ASB13: variants seen among roughly 807,000 people sequenced by gnomAD.
The protein encoded by ASB13 is ankyrin repeat and SOCS box protein 13.
In ASB13, 33 loss-of-function variants were observed where a neutral mutation model predicts 28.8. The ratio of observed to expected loss-of-function variants is 1.15; its 90% confidence interval spans 0.87 to 1.53. The LOEUF is 1.53. Ranked by LOEUF, ASB13 falls within the 40% of genes most tolerant of loss-of-function variation. ASB13 has a pLI of 0.00. For missense variants in ASB13, 414 were observed against 390.1 expected, an observed-to-expected ratio of 1.06 and a Z score of -0.52; for synonymous variants, 182 against 172.9, an observed-to-expected ratio of 1.05 and a Z score of -0.41.
rs1304170822 is a variant in ASB13, at chr10:5,663,861, T to C, written c.43+2648A>G. ...ACCCTTTAGAAATGCCCTGGACTGC[T>C]ACCCTAGTGGATTCTCCCTCTCCCC... On this transcript the variant is annotated intron_variant, in intron 1 of 5. Coordinates refer to ENST00000357700, the MANE Select transcript of ASB13 (RefSeq NM_024701.4). This position sits in a 1 kb window ranked among gnomAD's most constrained non-coding sequence, Gnocchi z 4.9. Among the ~76,000 whole-genome samples the C allele has an allele frequency of 6.6e-6, 1 of 152,150 alleles. No homozygotes were observed. Among genetic ancestry groups the C allele is most frequent in the African/African-American group, 2.4e-5 (1 of 41,432 alleles).
intron 5 of ASB13, 144 bp from the exon 6 acceptor site, chr10:5,640,974 A>G: frequency 2.7e-6 from 3 of 1,094,562 alleles, no homozygotes; most frequent in Non-Finnish European, 3.8e-6. Context: ...CTCTGGAAGG[A>G]CAGCCAGGAA....
In ASB13 at chr10:5,641,997, A is replaced by G. The variant is rs1407758092; in HGVS notation, c.518-36T>C. 1 of 1,581,162 alleles carries G rather than the reference A, an allele frequency of 6.3e-7. No homozygotes were observed. The highest frequency in any genetic ancestry group is 1.1e-5 in the South Asian group (1 of 89,306). ...AGAGTGCAGAAGAGATTTCACCAAG[A>G]AGAGAACTTGAAGTCAGGGGGACAA... On this transcript the variant is annotated intron_variant, in intron 4 of 5. Coordinates refer to ENST00000357700, the MANE Select transcript of ASB13 (RefSeq NM_024701.4). The surrounding 1 kb of genome is among the most constrained non-coding windows in gnomAD (Gnocchi z 8.4).
At chr10:5,666,405 G>T in intron 1 of ASB13, 104 bp downstream of exon 1, 1 of 1,048,814 alleles carries the variant, frequency 9.5e-7, no homozygotes. Context: ...CGGAGCCAGC[G>T]CGGGGCGCGC....
In ASB13 at chr10:5,642,857, T is replaced by C. The variant is rs118176526; in HGVS notation, c.518-896A>G. On this transcript the variant is annotated intron_variant, in intron 4 of 5. Transcript: ENST00000357700. This position sits in a 1 kb window ranked among gnomAD's most constrained non-coding sequence, Gnocchi z 4.1. ...ACGGGGTTTTGCCGTGTTGGCCAGG[T>C]TGGTCTCGAACTCCTGGCTACGGGC... 0.011 allele frequency among the ~76,000 whole-genome samples: 1,645 copies of C among 152,192 alleles called. 38 individuals carry two copies. Among genetic ancestry groups the C allele is most frequent in the South Asian group, 0.084 (403 of 4,818 alleles).
chr10:5,640,749 T>C lies in ASB13; in HGVS notation c.791A>G (p.Lys264Arg), dbSNP rs376038559. ...AATGAGCCGGGGCGGGATGTTTAAC[T>C]TGGCAATCTTCTCCAGCCCTCGGAC... ...TGVRGLEKIA[K>R]LNIPPRLIDY... Residue 264 changes from lysine (K) to arginine (R), a missense_variant, in exon 6 of 6, where the codon AAG (lysine) becomes AGG (arginine). Physicochemically the swap from Lys to Arg is conservative, Grantham distance 26 (BLOSUM62 2). Coordinates refer to ENST00000357700, the MANE Select transcript of ASB13 (RefSeq NM_024701.4). The C allele has an allele frequency of 3.7e-6, 6 of 1,614,070 alleles. No homozygotes were observed. In the African/African-American group the frequency reaches 5.3e-5, roughly 14 times the overall value.
chr10:5,649,002 T>G lies in ASB13; in HGVS notation c.485A>C (p.His162Pro), dbSNP rs533801870. 1 of 1,614,178 alleles carries G rather than the reference T, an allele frequency of 6.2e-7. No individual in the cohort carries two copies. ...GAGCAGCACTTTGACACAGTCCAGA[T>G]GCTCCCGGGCACAGGCAACGTGCAG... ...TPLHVACARE[H>P]LDCVKVLLNA... is the part of the protein sequence containing the mutation. The change falls in exon 4 of 6, where the codon CAT becomes CCT. Residue 162 changes from histidine to proline, a missense_variant. Transcript: ENST00000357700. The surrounding 1 kb of genome is among the most constrained non-coding windows in gnomAD (Gnocchi z 6.4).
At chr10:5,648,498 C>T (rs1246079278) in intron 4 of ASB13, among the ~76,000 whole-genome samples, 1 of 150,940 alleles carries the variant, frequency 6.6e-6, no homozygotes, top group Admixed American at 6.6e-5. Flanking sequence ...GGGCAAACAC[C>T]CACTCGGGTA....
rs1365970604 is a variant in ASB13, at chr10:5,644,096, C to A, written c.518-2135G>T. Among the ~76,000 whole-genome samples, 2 of 152,182 alleles carry A rather than the reference C, an allele frequency of 1.3e-5. No homozygotes were observed. Among genetic ancestry groups the A allele is most frequent in the Admixed American group, 1.3e-4 (2 of 15,278 alleles). On this transcript the variant is annotated intron_variant, in intron 4 of 5. Transcript: ENST00000357700. This position sits in a 1 kb window ranked among gnomAD's most constrained non-coding sequence, Gnocchi z 5.1. ...TGAATAAGGGATTGAAGGGAAACAC[C>A]AGGCCAGGGGTGCAGGCAGCTACAT...
chr10:5,661,025 A>ATTTTTG lies in ASB13; in HGVS notation c.43+5478_43+5483dup, dbSNP rs1835150874. On this transcript the variant is annotated intron_variant, in intron 1 of 5. Transcript: ENST00000357700. The surrounding 1 kb of genome is among the most constrained non-coding windows in gnomAD (Gnocchi z 4.9). Reference sequence around the variant, plus strand: ...AGGGAAAGCAGCAAAGCAGACTTTTATTTTTGTTTCTTTTTCTTTATTTTC... The same window carrying ATTTTTG: ...AGGGAAAGCAGCAAAGCAGACTTTTATTTTTGTTTTTGTTTCTTTTTCTTTATTTTC... Among the ~76,000 whole-genome samples the ATTTTTG allele has an allele frequency of 1.3e-5, 2 of 152,084 alleles. No individual in the cohort carries two copies. Among genetic ancestry groups the ATTTTTG allele is most frequent in the African/African-American group, 4.8e-5 (2 of 41,400 alleles).
chr10:5,640,731 CG>C lies in ASB13; in HGVS notation c.808del (p.Arg270GlyfsTer29), dbSNP rs1564514606. The C allele has an allele frequency of 1.2e-6, 2 of 1,614,108 alleles. No individual in the cohort carries two copies. The highest frequency in any genetic ancestry group is 1.7e-6 in the Non-Finnish European group (2 of 1,180,018). On this transcript the variant is annotated frameshift_variant, in exon 6 of 6. Transcript: ENST00000357700. LOFTEE classifies it high-confidence loss of function. ...EKIAKLNIPP[R>X]LIDYLSYN is the part of the protein sequence containing the mutation. ...GTTGTAGGAGAGGTAATCAATGAGC[CG>C]GGGCGGGATGTTTAACTTGGCAATC...
chr10:5,662,303 G>A (rs1286985997), intron 1 of ASB13, among the ~76,000 whole-genome samples: 1 of 151,898 alleles, frequency 6.6e-6, no homozygotes, highest in African/African-American at 2.4e-5. Flanking sequence ...CGGATCACCT[G>A]AGGTCAAGAG....
chr10:5,651,607 C>A lies in ASB13; in HGVS notation c.232-244G>T. On this transcript the variant is annotated intron_variant, in intron 2 of 5. Transcript: ENST00000357700. This position sits in a 1 kb window ranked among gnomAD's most constrained non-coding sequence, Gnocchi z 5.1. ...CTCAGGGCAGGATAAGCTCAGCAGC[C>A]CCCTCGCCACCCCCGCCCCAAACAC... 1 of 460,288 alleles carries A rather than the reference C, an allele frequency of 2.2e-6. No homozygotes were observed. Among genetic ancestry groups the A allele is most frequent in the African/African-American group, 2.0e-5 (1 of 49,624 alleles). The allele number at this position is 460,288 out of a possible 1,614,324, so 28.5% of individuals were successfully genotyped here.
chr10:5,642,015 G>A lies in ASB13; in HGVS notation c.518-54C>T. Reference sequence around the variant, plus strand: ...CACCAAGAAGAGAACTTGAAGTCAGGGGGACAATCAGGTCCGTTTCGTCAC... The same window carrying A: ...CACCAAGAAGAGAACTTGAAGTCAGAGGGACAATCAGGTCCGTTTCGTCAC... On this transcript the variant is annotated intron_variant, in intron 4 of 5. Transcript: ENST00000357700. This position sits in a 1 kb window ranked among gnomAD's most constrained non-coding sequence, Gnocchi z 4.1. 1 of 1,558,052 alleles carries A rather than the reference G, an allele frequency of 6.4e-7. No individual in the cohort carries two copies. Among genetic ancestry groups the A allele is most frequent in the Non-Finnish European group, 8.8e-7 (1 of 1,138,796 alleles).
chr10:5,647,715 C>G (rs559255137), intron 4 of ASB13, among the ~76,000 whole-genome samples: 1 of 152,326 alleles, frequency 6.6e-6, no homozygotes, highest in East Asian at 1.9e-4. Flanking sequence ...TCCCAGCAAC[C>G]TGCAGCATAG....
intron 1 of ASB13, among the ~76,000 whole-genome samples, chr10:5,657,765 G>A (rs1182259172): frequency 6.6e-6 from 1 of 152,170 alleles, no homozygotes; most frequent in Admixed American, 6.5e-5. Context: ...CAAGTGTCCA[G>A]TGGAATATTA....
In ASB13 at chr10:5,656,262, G is replaced by C. The variant is rs980714226; in HGVS notation, c.44-3212C>G. On this transcript the variant is annotated intron_variant, in intron 1 of 5. Coordinates refer to ENST00000357700, the MANE Select transcript of ASB13 (RefSeq NM_024701.4). The surrounding 1 kb of genome is among the most constrained non-coding windows in gnomAD (Gnocchi z 4.3). ...CTAAAACCAATTATAAAGTCTGACT[G>C]GTCAAGGTGGTTCAAGCCTGTAATC... 6.6e-6 allele frequency among the ~76,000 whole-genome samples: 1 copy of C among 152,226 alleles called. No individual in the cohort carries two copies. The highest frequency in any genetic ancestry group is 1.5e-5 in the Non-Finnish European group (1 of 68,030).
At chr10:5,662,393 C>A (rs903472641) in intron 1 of ASB13, among the ~76,000 whole-genome samples, 6 of 151,658 alleles carry the variant, frequency 4.0e-5, no homozygotes, top group Middle Eastern at 3.4e-3. Context: ...GTGGCATGCA[C>A]CTGTAATCCC....
chr10:5,648,163 T>C (rs61832714), intron 4 of ASB13, among the ~76,000 whole-genome samples: 147,059 of 148,968 alleles, frequency 0.99, 72,586 homozygotes, highest in Non-Finnish European at 1. Flanking sequence ...GGGTAAACAC[T>C]CACGGGGGTA....
chr10:5,652,816 C>T lies in ASB13; in HGVS notation c.231+47G>A. 2 of 1,468,836 alleles carry T rather than the reference C, an allele frequency of 1.4e-6. No individual in the cohort carries two copies. The highest frequency in any genetic ancestry group is 9.0e-7 in the Non-Finnish European group (1 of 1,107,096). The allele number at this position is 1,468,836 out of a possible 1,614,324, so 91.0% of individuals were successfully genotyped here. ...TTCTCCTGAGTCAACCTCCTCCATTCTGGCAGCTGCAGCCAGTCTGGGGGT... is the reference window on the plus strand; with the variant it reads ...TTCTCCTGAGTCAACCTCCTCCATTTTGGCAGCTGCAGCCAGTCTGGGGGT... On this transcript the variant is annotated intron_variant, in intron 2 of 5. Transcript: ENST00000357700. The surrounding 1 kb of genome is among the most constrained non-coding windows in gnomAD (Gnocchi z 5.0).
Sources: gnomAD v4.1 joint callset for allele counts (sites outside exome capture counted in the v4.1 genomes callset) on GRCh38, gnomAD v4.1.1 for gene constraint, Gnocchi (gnomAD v3.1) non-coding constraint, MANE v1.5 for transcripts, NCBI Gene and HGNC (gene_info 2026-07-23, HGNC 2026-07-21) for gene names.